Variants in ANXA8 observed in about 807,000 individuals in gnomAD.
ANXA8 encodes annexin A8.
Under a neutral mutation model 26.8 loss-of-function variants are expected in ANXA8, and 9 were observed. The observed-to-expected ratio is 0.34, with a 90% CI of 0.20 to 0.59. ANXA8 has a LOEUF of 0.59. Among genes scored for constraint, ANXA8 ranks in the 20% least tolerant of loss-of-function variants. The pLI is 0.84. For synonymous variants in ANXA8, 39 were observed against 94.8 expected (o/e 0.41, Z 3.42); for missense variants, 83 against 238.5 (o/e 0.35, Z 4.29).
chr10:47,940,646 G>C, the ANXA8 span, among the ~76,000 whole-genome samples: 2 of 147,924 alleles, frequency 1.4e-5, no homozygotes. Flanking sequence ...TGGCCAACAT[G>C]GTGAAACACC....
At chr10:47,768,326 C>T in the ANXA8 span, among the ~76,000 whole-genome samples, 2 of 151,582 alleles carry the variant, frequency 1.3e-5, no homozygotes, top group East Asian at 3.8e-4. Flanking sequence ...AGGCATGCAT[C>T]CAATGAGCCA....
At chr10:47,693,865 T>C in the ANXA8 span, among the ~76,000 whole-genome samples, 1 of 152,076 alleles carries the variant, frequency 6.6e-6, no homozygotes, top group Admixed American at 6.5e-5. Flanking sequence ...AAATGTTTTT[T>C]TTCTTTAATT....
chr10:47,469,921 C>G (rs1839271790), intron 11 of ANXA8, among the ~76,000 whole-genome samples: 1 of 151,492 alleles, frequency 6.6e-6, no homozygotes, highest in African/African-American at 2.4e-5. Context: ...CTCTGTCACC[C>G]AGGCTGGAGT....
chr10:47,533,230 C>CACACACAT, the ANXA8 span, among the ~76,000 whole-genome samples: 1 of 141,364 alleles, frequency 7.1e-6, no homozygotes, highest in African/African-American at 2.7e-5. Flanking sequence ...CACACCCCCG[C>CACACACAT]AGACACCCTA....
the ANXA8 span, among the ~76,000 whole-genome samples, chr10:47,762,248 T>C: frequency 6.6e-6 from 1 of 152,016 alleles, no homozygotes; most frequent in African/African-American, 2.4e-5. Context: ...CAAGGCCCCA[T>C]TGCTGCTGGC....
At chr10:47,976,515 C>A in the ANXA8 span, among the ~76,000 whole-genome samples, 1 of 148,812 alleles carries the variant, frequency 6.7e-6, no homozygotes, top group Non-Finnish European at 1.5e-5. Flanking sequence ...TGAGACCAGT[C>A]TGGACAACAC....
chr10:47,671,596 T>TA, the ANXA8 span, among the ~76,000 whole-genome samples: 1 of 151,828 alleles, frequency 6.6e-6, no homozygotes, highest in South Asian at 2.1e-4. Flanking sequence ...TCATTAATCT[T>TA]ATTCATTGTT....
the ANXA8 span, among the ~76,000 whole-genome samples, chr10:47,723,992 C>T: frequency 7.8e-6 from 1 of 128,538 alleles, no homozygotes; most frequent in South Asian, 2.4e-4. Flanking sequence ...TTAGCAAGTC[C>T]TAGGAATTTT....
chr10:47,587,156 A>G, the ANXA8 span, among the ~76,000 whole-genome samples: 1 of 146,882 alleles, frequency 6.8e-6, no homozygotes, highest in East Asian at 2.0e-4. Context: ...GTGAACCAAG[A>G]TCATGCCATT....
the ANXA8 span, among the ~76,000 whole-genome samples, chr10:47,951,308 C>T: frequency 1.3e-5 from 2 of 150,878 alleles, no homozygotes; most frequent in African/African-American, 4.9e-5. Flanking sequence ...AAAACCTTCA[C>T]ACAAGGAAAA....
the ANXA8 span, among the ~76,000 whole-genome samples, chr10:47,967,357 C>T: frequency 6.7e-6 from 1 of 150,320 alleles, no homozygotes; most frequent in Non-Finnish European, 1.5e-5. Context: ...AAGAAATGGC[C>T]TCATTATGCA....
the ANXA8 span, among the ~76,000 whole-genome samples, chr10:47,658,148 TC>T: frequency 6.6e-6 from 1 of 151,832 alleles, no homozygotes; most frequent in Non-Finnish European, 1.5e-5. Context: ...GGCGGGTGGA[TC>T]ACGAGATCAA....
the ANXA8 span, among the ~76,000 whole-genome samples, chr10:47,586,675 G>A: frequency 1.4e-5 from 2 of 145,906 alleles, no homozygotes; most frequent in Admixed American, 1.3e-4. Context: ...ATGGAGGTTG[G>A]AAGGAGGGAT....
At chr10:47,952,069 T>A in the ANXA8 span, among the ~76,000 whole-genome samples, 6 of 149,780 alleles carry the variant, frequency 4.0e-5, 1 homozygote, top group African/African-American at 1.5e-4. Context: ...CACGATGTAC[T>A]TTTTTTTAAA....
chr10:47,494,980 T>C, the ANXA8 span, among the ~76,000 whole-genome samples: 3 of 151,634 alleles, frequency 2.0e-5, no homozygotes, highest in Non-Finnish European at 4.4e-5. Context: ...TAGAGGAGGA[T>C]CATCAGGAGC....
At chr10:47,762,341 G>A in the ANXA8 span, among the ~76,000 whole-genome samples, 12 of 146,828 alleles carry the variant, frequency 8.2e-5, no homozygotes, top group African/African-American at 3.0e-4. Context: ...TGGCCACCTG[G>A]GGCGGGCCAA....
chr10:47,976,791 A>C, the ANXA8 span, among the ~76,000 whole-genome samples: 2 of 144,920 alleles, frequency 1.4e-5, no homozygotes, highest in African/African-American at 5.0e-5. Context: ...ATCCTGAGGG[A>C]ATCTGTCAAA....
chr10:47,703,852 ATAT>A, the ANXA8 span, among the ~76,000 whole-genome samples: 9 of 147,558 alleles, frequency 6.1e-5, no homozygotes, highest in African/African-American at 2.2e-4. Context: ...AAATTCTTTG[ATAT>A]TATCCATTGA....
the ANXA8 span, among the ~76,000 whole-genome samples, chr10:47,720,238 A>C: frequency 6.9e-6 from 1 of 145,298 alleles, no homozygotes; most frequent in Non-Finnish European, 1.5e-5. Flanking sequence ...GAATCGTTAT[A>C]GGAATTTCTT....
Sources: gnomAD v4.1 joint callset for allele counts (sites outside exome capture counted in the v4.1 genomes callset) on GRCh38, gnomAD v4.1.1 for gene constraint, MANE v1.5 for transcripts, NCBI Gene and HGNC (gene_info 2026-07-23, HGNC 2026-07-21) for gene names.